Variants in PWP1 observed in about 807,000 individuals in gnomAD.
PWP1 encodes periodic tryptophan protein 1 homolog.
PWP1 carries 47 observed loss-of-function variants against 69.9 expected under a neutral mutation model. The ratio of observed to expected loss-of-function variants is 0.67; its 90% CI spans 0.53 to 0.86. The LOEUF is 0.86. Ranked by LOEUF, PWP1 falls within the 40% of genes least tolerant of loss-of-function variation. The pLI is 0.00. For synonymous variants in PWP1, 222 were observed against 208.2 expected (o/e 1.07, Z -0.57); for missense variants, 551 against 608.8 (o/e 0.91, Z 1.00).
intron 11 of PWP1, among the ~76,000 whole-genome samples, chr12:107,705,968 T>C (rs966184358): frequency 2.0e-5 from 3 of 152,192 alleles, no homozygotes; most frequent in African/African-American, 4.8e-5. Context: ...CTTGAGGAAT[T>C]GCCATACTGT....
chr12:107,696,332 C>A, intron 5 of PWP1, 142 bp from the exon 6 acceptor site: 1 of 1,282,342 alleles, frequency 7.8e-7, no homozygotes, highest in Non-Finnish European at 1.0e-6. Flanking sequence ...TGCGCCCAGC[C>A]TGGAATCTCT....
In PWP1 at chr12:107,703,646, A is replaced by G. The variant is rs1163618310; in HGVS notation, c.904-39A>G. 1.9e-6 allele frequency: 3 copies of G among 1,544,392 alleles called. No homozygotes were observed. The South Asian group carries it at 3.4e-5, about 17-fold the overall frequency. On this transcript the variant is annotated intron_variant, in intron 9 of 14. Transcript: ENST00000412830. The stretch of plus-strand genomic sequence containing the variant: ...TGTTAGGTAATTTTACGAAAAGCAA[A>G]CCAACAGAGATCTCTGCATTTATGT...
intron 5 of PWP1, among the ~76,000 whole-genome samples, chr12:107,693,766 T>TG (rs1889530238): frequency 6.6e-6 from 1 of 152,200 alleles, no homozygotes; most frequent in Non-Finnish European, 1.5e-5. Context: ...CCCATTTCCC[T>TG]GAGTTAATAA....
At chr12:107,705,198 T>C (rs753730854) in intron 11 of PWP1, among the ~76,000 whole-genome samples, 1 of 152,130 alleles carries the variant, frequency 6.6e-6, no homozygotes, top group Non-Finnish European at 1.5e-5. Context: ...TCTGTCTAAA[T>C]ACCCTTATTA....
intron 5 of PWP1, among the ~76,000 whole-genome samples, chr12:107,694,365 T>C (rs1270813079): frequency 6.6e-6 from 1 of 152,208 alleles, no homozygotes; most frequent in African/African-American, 2.4e-5. Context: ...GGAAACACAG[T>C]TGCACAGCTT....
At chr12:107,701,465 C>A (rs937236522) in intron 8 of PWP1, among the ~76,000 whole-genome samples, 1 of 152,084 alleles carries the variant, frequency 6.6e-6, no homozygotes, top group Admixed American at 6.6e-5. Context: ...TACTTTATTT[C>A]TTTTGTTGTT....
Position 107,685,820 on chromosome 12 carries a change from G to C in PWP1, c.-80G>C, listed in dbSNP as rs990660697. On this transcript the variant is annotated 5_prime_UTR_variant, in exon 1 of 15. Coordinates refer to ENST00000412830, the MANE Select transcript of PWP1 (RefSeq NM_007062.3). ...TGGCAGCGGCCCTGTGCAGATCCCT[G>C]AGCGTGTGGCAGCAGTGCGGTCGTG... 1 of 1,494,892 alleles carries C rather than the reference G, an allele frequency of 6.7e-7. No individual in the cohort carries two copies. The highest frequency in any genetic ancestry group is 9.3e-7 in the Non-Finnish European group (1 of 1,074,994). The allele number at this position is 1,494,892 out of a possible 1,614,324, so 92.6% of individuals were successfully genotyped here.
chr12:107,690,828 C>A (rs1194037651), intron 3 of PWP1, among the ~76,000 whole-genome samples: 1 of 152,088 alleles, frequency 6.6e-6, no homozygotes, highest in Non-Finnish European at 1.5e-5. Context: ...CACTTGTGTT[C>A]ATTTTTCAAA....
intron 9 of PWP1, 114 bp from the exon 10 acceptor site, chr12:107,703,571 T>G: frequency 1.1e-6 from 1 of 894,082 alleles, no homozygotes; most frequent in Non-Finnish European, 1.8e-6. Context: ...GTTTACTGTA[T>G]TTCAGAGGGA....
At chr12:107,699,545 C>A in intron 8 of PWP1, 111 bp downstream of exon 8, 1 of 873,474 alleles carries the variant, frequency 1.1e-6, no homozygotes, top group South Asian at 1.8e-5. Context: ...GTCTATCTTC[C>A]TTTCTTGTAG....
At chr12:107,691,357 AC>A (rs1052405880) in intron 3 of PWP1, among the ~76,000 whole-genome samples, 1 of 152,194 alleles carries the variant, frequency 6.6e-6, no homozygotes, top group Non-Finnish European at 1.5e-5. Flanking sequence ...AACTTAGAAT[AC>A]CAGGCTTAGC....
At chr12:107,686,243 C>T (rs1593138892) in intron 1 of PWP1, 2 of 536,430 alleles carry the variant, frequency 3.7e-6, no homozygotes, top group Non-Finnish European at 6.7e-6. Flanking sequence ...ACTTAGCGGG[C>T]CGGAAAGGGG....
chr12:107,690,856 TTTAAAAAA>T (rs1224882788), intron 3 of PWP1, among the ~76,000 whole-genome samples: 1 of 152,086 alleles, frequency 6.6e-6, no homozygotes, highest in Non-Finnish European at 1.5e-5. Context: ...TAATACAACA[TTTAAAAAA>T]AAATCAGACA....
In PWP1 at chr12:107,692,870, C is replaced by A. The variant is rs969099178; in HGVS notation, c.376C>A (p.Gln126Lys). 8 of 1,614,040 alleles carry A rather than the reference C, an allele frequency of 5.0e-6. No homozygotes were observed. The highest frequency in any genetic ancestry group is 5.9e-6 in the Non-Finnish European group (7 of 1,179,944). The part of the protein sequence containing the change: ...LGLTVYGSND[Q>K]DPYVTLKDTE... ...TCTTACGGTCTACGGGAGTAATGATCAAGATCCTTACGTTACTCTGAAAGA... is the reference window on the plus strand; with the variant it reads ...TCTTACGGTCTACGGGAGTAATGATAAAGATCCTTACGTTACTCTGAAAGA... The change falls in exon 4 of 15, where the codon CAA (glutamine) becomes AAA (lysine). Residue 126 changes from glutamine to lysine, a missense_variant. Gln to Lys is a moderately conservative substitution (Grantham distance 53, BLOSUM62 1). Transcript: ENST00000412830.
At chr12:107,688,921 G>C (rs1182610225) in intron 3 of PWP1, 119 bp downstream of exon 3, 3 of 1,068,826 alleles carry the variant, frequency 2.8e-6, no homozygotes, top group Non-Finnish European at 4.0e-6. Context: ...AAGATAATCT[G>C]GTTGAAGACT....
rs1334601516 is a variant in PWP1, at chr12:107,688,465, A to G, written c.90A>G (p.Glu30=). ...ETPDKVELSK[E]EVKRLIAEAK... is the part of the protein sequence containing the mutation. The stretch of plus-strand genomic sequence containing the variant: ...TCTTACAGGTAGAGCTGAGTAAAGA[A>G]GAAGTAAAACGCCTCATTGCTGAGG... Residue 30 remains glutamate, a synonymous_variant, in exon 2 of 15, where the codon GAA becomes GAG. Transcript: ENST00000412830. 9 of 1,614,056 alleles carry G rather than the reference A, an allele frequency of 5.6e-6. No individual in the cohort carries two copies. In the Middle Eastern group the frequency reaches 5.0e-4, roughly 90 times the overall value.
At position 107,701,803 on chromosome 12, in the gene PWP1, G is replaced by A. The variant is rs150966577; in HGVS notation, c.807-1132G>A. Among the ~76,000 whole-genome samples, 202 of 152,212 alleles carry A rather than the reference G, an allele frequency of 1.3e-3. 1 individual carries two copies. The highest frequency in any genetic ancestry group is 4.7e-3 in the African/African-American group (196 of 41,540). On this transcript the variant is annotated intron_variant, in intron 8 of 14. Coordinates refer to ENST00000412830, the MANE Select transcript of PWP1 (RefSeq NM_007062.3). ...AGTGATTCTCCTGCCTCAGCCTCCT[G>A]AGTAGCTGGGATTACTGGTGCATGC...
At chr12:107,711,050 CAG>C (rs1214391378) in intron 14 of PWP1, among the ~76,000 whole-genome samples, 1 of 152,134 alleles carries the variant, frequency 6.6e-6, no homozygotes, top group Non-Finnish European at 1.5e-5. Context: ...CAGCCCCGAA[CAG>C]AGATTTACCC....
intron 8 of PWP1, 25 bp downstream of exon 8, chr12:107,699,459 A>G: frequency 1.3e-6 from 2 of 1,579,186 alleles, no homozygotes; most frequent in Non-Finnish European, 1.7e-6. Flanking sequence ...CATTTGAATG[A>G]TTGTAAAAGA....
Sources: allele counts gnomAD v4.1 joint callset (sites outside exome capture counted in the v4.1 genomes callset), GRCh38; gene constraint gnomAD v4.1.1; transcripts MANE v1.5; gene names NCBI Gene and HGNC (gene_info 2026-07-23, HGNC 2026-07-21).